STXBP5L: variants seen among roughly 807,000 people sequenced by gnomAD.
STXBP5L encodes the protein syntaxin-binding protein 5-like.
A neutral mutation model predicts 144.5 loss-of-function variants in STXBP5L; 65 were observed. That is an observed-to-expected ratio of 0.45 (90% CI 0.37 to 0.55). STXBP5L has a LOEUF of 0.55. Among genes scored for constraint, STXBP5L ranks in the 20% least tolerant of loss-of-function variants. The pLI is 0.00. For missense variants in STXBP5L, 1,298 were observed against 1,405.5 expected (o/e 0.92, Z 1.22); for synonymous variants, 505 against 469.6 (o/e 1.08, Z -0.97).
At chr3:121,249,976 A>C (rs1014784404) in intron 14 of STXBP5L, among the ~76,000 whole-genome samples, 19 of 152,032 alleles carry the variant, frequency 1.2e-4, no homozygotes, top group Non-Finnish European at 2.7e-4. Flanking sequence ...GTAATCTGTC[A>C]ATATGGTGAA....
At chr3:121,108,323 C>T (rs2043813406) in intron 5 of STXBP5L, among the ~76,000 whole-genome samples, 1 of 152,154 alleles carries the variant, frequency 6.6e-6, no homozygotes, top group East Asian at 1.9e-4. Context: ...AGCTTTTGCT[C>T]ATTCAGTATG....
At chr3:121,298,180 A>C (rs2051736134) in intron 19 of STXBP5L, among the ~76,000 whole-genome samples, 1 of 152,116 alleles carries the variant, frequency 6.6e-6, no homozygotes, top group Non-Finnish European at 1.5e-5. Context: ...TGTTTTTTAT[A>C]ATGGCCATCC....
At chr3:121,094,492 C>T (rs192010311) in intron 5 of STXBP5L, among the ~76,000 whole-genome samples, 1 of 152,060 alleles carries the variant, frequency 6.6e-6, no homozygotes, top group African/African-American at 2.4e-5. Context: ...ATAGTTAGCT[C>T]TTCTTGTTGA....
chr3:121,114,439 G>A (rs1268095005), intron 5 of STXBP5L, among the ~76,000 whole-genome samples: 1 of 152,056 alleles, frequency 6.6e-6, no homozygotes, highest in East Asian at 1.9e-4. Context: ...TGACCTTTAT[G>A]TATTTGAAGT....
intron 3 of STXBP5L, among the ~76,000 whole-genome samples, chr3:120,965,263 C>A (rs137934702): frequency 6.6e-6 from 1 of 152,100 alleles, no homozygotes; most frequent in South Asian, 2.1e-4. Flanking sequence ...TTAATTGGGG[C>A]ATTTAGCCCA....
intron 20 of STXBP5L, among the ~76,000 whole-genome samples, chr3:121,354,508 CTTT>C (rs145703750): frequency 5.9e-5 from 4 of 67,542 alleles, no homozygotes; most frequent in South Asian, 7.5e-4. Context: ...TGCAACCCTG[CTTT>C]TTTTTTTTTT....
chr3:121,047,296 G>T (rs913043541), intron 5 of STXBP5L, among the ~76,000 whole-genome samples: 3 of 152,008 alleles, frequency 2.0e-5, no homozygotes, highest in African/African-American at 7.2e-5. Context: ...TAGAGTATGT[G>T]CTATGTACAG....
At chr3:121,297,251 T>C (rs993528279) in intron 19 of STXBP5L, among the ~76,000 whole-genome samples, 3 of 150,982 alleles carry the variant, frequency 2.0e-5, no homozygotes, top group Admixed American at 2.0e-4. Flanking sequence ...ATATTCCTGA[T>C]ATTAGTGATA....
At chr3:121,276,460 T>G (rs2050889517) in intron 18 of STXBP5L, among the ~76,000 whole-genome samples, 1 of 151,958 alleles carries the variant, frequency 6.6e-6, no homozygotes, top group African/African-American at 2.4e-5. Context: ...CTTCATTATA[T>G]AGTGGAGATC....
At chr3:121,253,347 T>C (rs2050088468) in intron 15 of STXBP5L, among the ~76,000 whole-genome samples, 5 of 151,990 alleles carry the variant, frequency 3.3e-5, no homozygotes, top group Admixed American at 1.3e-4. Flanking sequence ...TTTTACTCTT[T>C]ATCTCTTCCT....
chr3:121,338,608 AAG>A (rs1288442739), intron 20 of STXBP5L, among the ~76,000 whole-genome samples: 108 of 147,176 alleles, frequency 7.3e-4, no homozygotes, highest in East Asian at 1.2e-3. Context: ...AAAAAAAAAA[AAG>A]AGAGAAAGAG....
At position 121,297,124 on chromosome 3, in the gene STXBP5L, A is replaced by C. The variant is rs191967510; in HGVS notation, c.2110+17168A>C. ...TTTTCATAGTCCAATTTGAAACAACAGTGGAACTTAATCTTATTAAAGCTA... is the reference window on the plus strand; with the variant it reads ...TTTTCATAGTCCAATTTGAAACAACCGTGGAACTTAATCTTATTAAAGCTA... On this transcript the variant is annotated intron_variant, in intron 19 of 26. Transcript: ENST00000471454. Among the ~76,000 whole-genome samples the C allele has an allele frequency of 3.9e-5, 6 of 152,276 alleles. No individual in the cohort carries two copies. The East Asian group carries it at 1.2e-3, about 29-fold the overall frequency.
intron 7 of STXBP5L, among the ~76,000 whole-genome samples, chr3:121,125,994 T>C (rs2107870853): frequency 6.6e-6 from 1 of 152,262 alleles, no homozygotes; most frequent in Non-Finnish European, 1.5e-5. Flanking sequence ...TGCAAGACCA[T>C]GCTACACCTG....
Position 121,235,340 on chromosome 3 carries a change from A to G in STXBP5L, c.1184+1652A>G, listed in dbSNP as rs931887121. 5.9e-5 allele frequency among the ~76,000 whole-genome samples: 9 copies of G among 151,972 alleles called. No homozygotes were observed. The South Asian group carries it at 8.3e-4, about 14-fold the overall frequency. ...TTTTTCTTTTTATCTTTTTCTTTCC[A>G]TTTAATCCCCAACCCGAAGGCAAGC... On this transcript the variant is annotated intron_variant, in intron 12 of 26. Transcript: ENST00000471454.
chr3:121,061,758 A>G (rs1272450207), intron 5 of STXBP5L, among the ~76,000 whole-genome samples: 1 of 152,124 alleles, frequency 6.6e-6, no homozygotes, highest in Non-Finnish European at 1.5e-5. Flanking sequence ...TTGTTGGTTT[A>G]AAGTCTGTTT....
chr3:121,101,411 A>G lies in STXBP5L; in HGVS notation c.471-13514A>G, dbSNP rs183064339. Among the ~76,000 whole-genome samples the G allele has an allele frequency of 2.6e-5, 4 of 152,300 alleles. No individual in the cohort carries two copies. The East Asian group carries it at 7.7e-4, about 29-fold the overall frequency. On this transcript the variant is annotated intron_variant, in intron 5 of 26. Coordinates refer to ENST00000471454, the MANE Select transcript of STXBP5L (RefSeq NM_001308330.2). The stretch of plus-strand genomic sequence containing the variant: ...AATTCACCATGATCAATTAGGCTTC[A>G]TTCCTGGGATGCAAAGTTGATTCAA...
At chr3:121,342,038 G>A (rs1428521431) in intron 20 of STXBP5L, among the ~76,000 whole-genome samples, 1 of 151,920 alleles carries the variant, frequency 6.6e-6, no homozygotes, top group South Asian at 2.1e-4. Context: ...TGATGTGATA[G>A]ATATCACATT....
chr3:120,971,181 G>A (rs559756737), intron 3 of STXBP5L, among the ~76,000 whole-genome samples: 8 of 152,170 alleles, frequency 5.3e-5, no homozygotes, highest in South Asian at 4.1e-4. Context: ...TGCAGATTGC[G>A]TTCTCTGCAG....
chr3:121,039,984 A>G (rs1019603701), intron 3 of STXBP5L, among the ~76,000 whole-genome samples: 4 of 152,032 alleles, frequency 2.6e-5, no homozygotes, highest in African/African-American at 9.7e-5. Context: ...AGATAGATCT[A>G]TCTTCTGTAT....
Sources: gnomAD v4.1 joint callset for allele counts (sites outside exome capture counted in the v4.1 genomes callset) on GRCh38, gnomAD v4.1.1 for gene constraint, MANE v1.5 for transcripts, NCBI Gene and HGNC (gene_info 2026-07-23, HGNC 2026-07-21) for gene names.